MAGI2: variants seen among roughly 807,000 people sequenced by gnomAD.
MAGI2 encodes membrane associated guanylate kinase, WW and PDZ domain containing 2.
A neutral mutation model predicts 133.3 loss-of-function variants in MAGI2; 35 were observed. The observed-to-expected ratio is 0.26, with a 90% CI of 0.20 to 0.35. The LOEUF (loss-of-function observed/expected upper bound fraction) is 0.35. Among genes scored for constraint, MAGI2 ranks in the 10% least tolerant of loss-of-function variants. MAGI2 has a pLI of 1.00. For synonymous variants in MAGI2, 729 were observed against 710.6 expected, an observed-to-expected ratio of 1.03 and a Z score of -0.41; for missense variants, 1,636 against 1,863.4, an observed-to-expected ratio of 0.88 and a Z score of 2.25.
intron 2 of MAGI2, among the ~76,000 whole-genome samples, chr7:78,986,957 G>A (rs1036397338): frequency 3.9e-5 from 6 of 152,040 alleles, no homozygotes; most frequent in Non-Finnish European, 8.8e-5. Flanking sequence ...AAAGAGAGAC[G>A]ATGGACAGCA....
At chr7:78,229,118 CA>C (rs1789700857) in intron 10 of MAGI2, among the ~76,000 whole-genome samples, 1 of 152,196 alleles carries the variant, frequency 6.6e-6, no homozygotes, top group Non-Finnish European at 1.5e-5. Flanking sequence ...AACTTATTCC[CA>C]AACTCAAAAG....
chr7:78,735,885 A>G (rs1821799407), intron 2 of MAGI2, among the ~76,000 whole-genome samples: 1 of 152,166 alleles, frequency 6.6e-6, no homozygotes, highest in African/African-American at 2.4e-5. Context: ...AGTGTATACA[A>G]CCAACAATTT....
At chr7:78,038,892 G>A (rs1046001778) in intron 21 of MAGI2, among the ~76,000 whole-genome samples, 4 of 152,248 alleles carry the variant, frequency 2.6e-5, no homozygotes, top group South Asian at 2.1e-4. Flanking sequence ...CTCACGTCAC[G>A]TTACCGGCAT....
intron 6 of MAGI2, among the ~76,000 whole-genome samples, chr7:78,456,123 G>A (rs1463921163): frequency 4.6e-5 from 7 of 151,522 alleles, no homozygotes; most frequent in Admixed American, 2.0e-4. Flanking sequence ...CATTCAAGGA[G>A]AAGATGCAAC....
intron 2 of MAGI2, among the ~76,000 whole-genome samples, chr7:78,998,188 G>A (rs542814435): frequency 2.6e-5 from 4 of 152,148 alleles, no homozygotes; most frequent in East Asian, 1.9e-4. Context: ...TAATTTAAAC[G>A]CACCTCTTTA....
chr7:78,580,594 T>C (rs958507058), intron 3 of MAGI2, among the ~76,000 whole-genome samples: 3 of 152,166 alleles, frequency 2.0e-5, no homozygotes, highest in East Asian at 1.9e-4. Context: ...TTGAAAGTGA[T>C]TTAACTTCCT....
chr7:78,855,868 C>A (rs1203764720), intron 2 of MAGI2, among the ~76,000 whole-genome samples: 1 of 152,198 alleles, frequency 6.6e-6, no homozygotes, highest in African/African-American at 2.4e-5. Context: ...TACAGTCCCA[C>A]CAACAGTGTA....
chr7:78,424,542 A>G (rs1799106494), intron 6 of MAGI2, among the ~76,000 whole-genome samples: 2 of 152,174 alleles, frequency 1.3e-5, no homozygotes, highest in African/African-American at 2.4e-5. Context: ...TGGTAGATTC[A>G]TGAAAACTTG....
chr7:79,211,792 G>A (rs533305355), intron 1 of MAGI2, among the ~76,000 whole-genome samples: 3 of 152,094 alleles, frequency 2.0e-5, no homozygotes, highest in South Asian at 4.1e-4. Context: ...GGAGGGTGGC[G>A]AGGGCTATTA....
At chr7:79,404,988 T>C (rs939900451) in intron 1 of MAGI2, among the ~76,000 whole-genome samples, 1 of 151,994 alleles carries the variant, frequency 6.6e-6, no homozygotes, top group Admixed American at 6.6e-5. Context: ...TGCATGGGTC[T>C]CCTCCTGGTG....
At chr7:78,260,486 C>A (rs1244162998) in intron 9 of MAGI2, among the ~76,000 whole-genome samples, 1 of 152,154 alleles carries the variant, frequency 6.6e-6, no homozygotes, top group Non-Finnish European at 1.5e-5. Flanking sequence ...ATATCTCTTA[C>A]ATTTCCTCTT....
intron 1 of MAGI2, among the ~76,000 whole-genome samples, chr7:79,034,071 G>A (rs1430346909): frequency 6.6e-6 from 1 of 152,118 alleles, no homozygotes; most frequent in Non-Finnish European, 1.5e-5. Flanking sequence ...CTAGTTCCTT[G>A]CTAGCTTTAT....
intron 2 of MAGI2, among the ~76,000 whole-genome samples, chr7:78,775,827 A>G (rs1375954284): frequency 6.6e-6 from 1 of 152,196 alleles, no homozygotes; most frequent in Non-Finnish European, 1.5e-5. Flanking sequence ...ACCCAACGCA[A>G]CTGGTGCTAC....
chr7:78,293,216 A>G (rs1366139625), intron 9 of MAGI2, among the ~76,000 whole-genome samples: 2 of 152,174 alleles, frequency 1.3e-5, no homozygotes, highest in East Asian at 1.9e-4. Context: ...AGAATCTACA[A>G]AGAACTTAAA....
At chr7:79,014,292 G>C (rs955568927) in intron 1 of MAGI2, among the ~76,000 whole-genome samples, 18 of 152,066 alleles carry the variant, frequency 1.2e-4, no homozygotes, top group Non-Finnish European at 5.9e-5. Flanking sequence ...TGTTAGAGTT[G>C]TTCCTATAGT....
rs556374973 is a variant in MAGI2, at chr7:79,140,829, A to AAAATT, written c.302-133628_302-133624dup. 3.2e-3 allele frequency among the ~76,000 whole-genome samples: 484 copies of AAAATT among 152,326 alleles called. 4 individuals are homozygous for AAAATT. The highest frequency in any genetic ancestry group is 0.013 in the Admixed American group (196 of 15,286). ...GACACAGTATGTAATCACAATGTAA[A>AAAATT]AAATTACGAGATTATTTTAAGATAT... On this transcript the variant is annotated intron_variant, in intron 1 of 21. Coordinates refer to ENST00000354212, the MANE Select transcript of MAGI2 (RefSeq NM_012301.4).
intron 10 of MAGI2, among the ~76,000 whole-genome samples, chr7:78,235,359 A>G (rs1305629232): frequency 6.6e-6 from 1 of 152,226 alleles, no homozygotes; most frequent in Non-Finnish European, 1.5e-5. Context: ...ATAGAAAAAT[A>G]CATAGTAAAC....
At chr7:79,209,209 T>C (rs1003893592) in intron 1 of MAGI2, among the ~76,000 whole-genome samples, 2 of 152,156 alleles carry the variant, frequency 1.3e-5, no homozygotes, top group African/African-American at 2.4e-5. Flanking sequence ...TGTGAGATAA[T>C]GAATATGTTA....
intron 2 of MAGI2, among the ~76,000 whole-genome samples, chr7:78,784,872 C>G (rs1192628258): frequency 6.6e-6 from 1 of 152,104 alleles, no homozygotes; most frequent in East Asian, 1.9e-4. Context: ...TTGGCTGTGA[C>G]CCTAAGAAGG....
Sources: gnomAD v4.1 joint callset for allele counts (sites outside exome capture counted in the v4.1 genomes callset) on GRCh38, gnomAD v4.1.1 for gene constraint, MANE v1.5 for transcripts, NCBI Gene and HGNC (gene_info 2026-07-23, HGNC 2026-07-21) for gene names.